GPR149: variants seen among roughly 807,000 people sequenced by gnomAD.
GPR149 encodes probable G protein-coupled receptor 149.
GPR149 carries 50 observed loss-of-function variants against 50.2 expected under a neutral mutation model. That is an observed-to-expected ratio of 1.00 (90% confidence interval 0.79 to 1.26). The LOEUF (loss-of-function observed/expected upper bound fraction) is 1.26. Ranked by LOEUF, GPR149 falls within the 50% of genes most tolerant of loss-of-function variation. The probability of loss-of-function intolerance (pLI) is 0.00; values close to 1 mark genes in which losing one functional copy is unlikely to be tolerated. For missense variants in GPR149, 983 were observed against 895.4 expected (o/e 1.10, Z -1.25); for synonymous variants, 405 against 358.2 (o/e 1.13, Z -1.48).
At chr3:154,368,099 C>T (rs1714583706) in intron 3 of GPR149, among the ~76,000 whole-genome samples, 1 of 152,130 alleles carries the variant, frequency 6.6e-6, no homozygotes, top group African/African-American at 2.4e-5. Flanking sequence ...CGAAGTACAC[C>T]CGGGAGTTAT....
chr3:154,401,283 C>A (rs1711545999), intron 3 of GPR149, among the ~76,000 whole-genome samples: 1 of 152,156 alleles, frequency 6.6e-6, no homozygotes, highest in Non-Finnish European at 1.5e-5. Flanking sequence ...TAAATCACAG[C>A]TTAAGGTATA....
chr3:154,401,363 C>A (rs2108418332), intron 3 of GPR149, among the ~76,000 whole-genome samples: 1 of 152,262 alleles, frequency 6.6e-6, no homozygotes, highest in East Asian at 1.9e-4. Context: ...AGTAGCAAGG[C>A]AATGTTTTCA....
At chr3:154,368,168 C>A (rs1576908923) in intron 3 of GPR149, among the ~76,000 whole-genome samples, 1 of 152,160 alleles carries the variant, frequency 6.6e-6, no homozygotes, top group African/African-American at 2.4e-5. Flanking sequence ...GCCAGAGGCT[C>A]CCCCTGCAAG....
chr3:154,352,091 G>C, intron 3 of GPR149: 1 of 575,836 alleles, frequency 1.7e-6, no homozygotes, highest in Non-Finnish European at 2.8e-6. Flanking sequence ...TACATAATTA[G>C]GCACAAATAG....
intron 3 of GPR149, among the ~76,000 whole-genome samples, chr3:154,397,405 G>C (rs931351410): frequency 8.5e-5 from 13 of 152,184 alleles, no homozygotes; most frequent in African/African-American, 3.1e-4. Flanking sequence ...TATGTCAGGA[G>C]TGTGCTAGAG....
intron 3 of GPR149, among the ~76,000 whole-genome samples, chr3:154,406,349 G>A (rs1317360167): frequency 1.3e-5 from 2 of 152,028 alleles, no homozygotes; most frequent in Non-Finnish European, 2.9e-5. Context: ...CCTTCTAGAG[G>A]GGTATTTGGC....
chr3:154,339,323 A>C lies in GPR149; in HGVS notation c.1624-1052T>G, dbSNP rs564777274. 9.8e-4 allele frequency among the ~76,000 whole-genome samples: 150 copies of C among 152,298 alleles called. 1 individual carries two copies. The highest frequency in any genetic ancestry group is 1.9e-3 in the Non-Finnish European group (129 of 68,020). ...TGTTGCATAGTAAAGTTTGGGATCC[A>C]TTGCTCTAACTAAAGAAATGTTGTA... is the stretch of plus-strand genomic sequence containing the variant. On this transcript the variant is annotated intron_variant, in intron 3 of 3. Transcript: ENST00000389740.
chr3:154,378,560 G>A (rs1290860366), intron 3 of GPR149, among the ~76,000 whole-genome samples: 1 of 152,106 alleles, frequency 6.6e-6, no homozygotes. Context: ...TTCCTGGCTT[G>A]TGTTATAAGT....
chr3:154,369,526 A>G (rs1411517919), intron 3 of GPR149, among the ~76,000 whole-genome samples: 7 of 151,118 alleles, frequency 4.6e-5, no homozygotes, highest in Non-Finnish European at 1.0e-4. Context: ...TCCCCAACTG[A>G]CTCTCCTCCA....
intron 3 of GPR149, among the ~76,000 whole-genome samples, chr3:154,347,557 C>T (rs1159602612): frequency 2.0e-5 from 3 of 152,168 alleles, no homozygotes; most frequent in Non-Finnish European, 2.9e-5. Context: ...GTGGGGACAC[C>T]GCCAAACCAT....
chr3:154,429,529 T>C lies in GPR149; in HGVS notation c.87A>G (p.Pro29=), dbSNP rs530233983. The C allele has an allele frequency of 2.5e-5, 41 of 1,614,214 alleles. No homozygotes were observed. The East Asian group carries it at 7.6e-4, about 30-fold the overall frequency. The change falls in exon 1 of 4, where the codon CCA becomes CCG. Residue 29 remains proline (P), a synonymous_variant. Transcript: ENST00000389740. The stretch of plus-strand genomic sequence containing the variant: ...AAAAAAGATAGATATTCAGGGTTCC[T>C]GGCGGATTTAAAAGGTCCGTAGAAT... ...NHNSTDLLNP[P]GTLNIYLFCL... is the part of the protein sequence containing the mutation.
intron 2 of GPR149, among the ~76,000 whole-genome samples, chr3:154,424,572 CGT>C (rs909299626): frequency 2.0e-5 from 3 of 151,456 alleles, no homozygotes; most frequent in Non-Finnish European, 4.4e-5. Flanking sequence ...TTTTGTATTT[CGT>C]GTGTGTGTCT....
chr3:154,405,401 A>G (rs1291980116), intron 3 of GPR149, among the ~76,000 whole-genome samples: 1 of 152,032 alleles, frequency 6.6e-6, no homozygotes, highest in African/African-American at 2.4e-5. Flanking sequence ...ATCCTGGCTA[A>G]CACGGTGAAA....
intron 3 of GPR149, among the ~76,000 whole-genome samples, chr3:154,351,772 C>T (rs933625961): frequency 6.6e-6 from 1 of 151,932 alleles, no homozygotes; most frequent in Non-Finnish European, 1.5e-5. Flanking sequence ...TTATAGGGTT[C>T]ACAATTAAGA....
intron 1 of GPR149, among the ~76,000 whole-genome samples, chr3:154,428,049 C>T (rs965467768): frequency 6.6e-6 from 1 of 152,218 alleles, no homozygotes; most frequent in Non-Finnish European, 1.5e-5. Context: ...TGGCCTTTGT[C>T]GCCTCCCTGG....
intron 3 of GPR149, chr3:154,352,967 T>C: frequency 2.0e-6 from 2 of 1,018,170 alleles, no homozygotes; most frequent in Non-Finnish European, 3.1e-6. Context: ...CCAGGTCTAC[T>C]TCAGGAATGT....
At chr3:154,371,784 G>A (rs1365031920) in intron 3 of GPR149, among the ~76,000 whole-genome samples, 7 of 152,124 alleles carry the variant, frequency 4.6e-5, no homozygotes, top group South Asian at 2.1e-4. Flanking sequence ...CACTCAGGGC[G>A]CTTGAATATG....
chr3:154,393,551 T>C (rs1306955169), intron 3 of GPR149, among the ~76,000 whole-genome samples: 1 of 151,994 alleles, frequency 6.6e-6, no homozygotes, highest in Admixed American at 6.6e-5. Flanking sequence ...GCTACTTTTA[T>C]TCAGCATAGT....
chr3:154,388,756 T>C (rs1376029562), intron 3 of GPR149, among the ~76,000 whole-genome samples: 1 of 152,012 alleles, frequency 6.6e-6, no homozygotes, highest in Non-Finnish European at 1.5e-5. Flanking sequence ...AGGTTGACCA[T>C]CCTAACACTG....
Sources: allele counts gnomAD v4.1 joint callset (sites outside exome capture counted in the v4.1 genomes callset), GRCh38; gene constraint gnomAD v4.1.1; transcripts MANE v1.5; gene names NCBI Gene and HGNC (gene_info 2026-07-23, HGNC 2026-07-21).